Variants in VIPR2 observed in about 807,000 individuals in gnomAD.
VIPR2 encodes the protein vasoactive intestinal polypeptide receptor 2.
A neutral mutation model predicts 58.0 loss-of-function variants in VIPR2; 48 were observed. The ratio of observed to expected loss-of-function variants is 0.83; its 90% CI spans 0.66 to 1.05. The LOEUF (loss-of-function observed/expected upper bound fraction) is 1.05, where lower values mean the gene tolerates loss of function less well. Among genes scored for constraint, VIPR2 ranks in the 50% least tolerant of loss-of-function variants. The pLI is 0.00. For missense variants in VIPR2, 534 were observed against 558.0 expected (o/e 0.96, Z 0.43); for synonymous variants, 243 against 235.2 (o/e 1.03, Z -0.30).
chr7:159,135,856 G>A lies in VIPR2; in HGVS notation c.151+6590C>T, dbSNP rs111892255. Among the ~76,000 whole-genome samples the A allele has an allele frequency of 9.2e-3, 1,404 of 152,222 alleles. 18 individuals are homozygous for A. Among genetic ancestry groups the A allele is most frequent in the African/African-American group, 0.032 (1,312 of 41,528 alleles). ...TAAATAAATGAGAGGATCAGCCAACGCATCAGCAAATGTCAGCCGGACGGT... is the reference window on the plus strand; with the variant it reads ...TAAATAAATGAGAGGATCAGCCAACACATCAGCAAATGTCAGCCGGACGGT... On this transcript the variant is annotated intron_variant, in intron 2 of 12. Coordinates refer to ENST00000262178, the MANE Select transcript of VIPR2 (RefSeq NM_003382.5).
rs188877591 is a variant in VIPR2 at position 159,034,719 on chromosome 7, C to T, written c.810-69G>A. On this transcript the variant is annotated intron_variant, in intron 8 of 12. Transcript: ENST00000262178. ...CGCAAGACAGGTACAGAAGAATGAG[C>T]GCCTGCCCCTCCCAACTTGCCCACT... The T allele has an allele frequency of 7.4e-5, 99 of 1,342,212 alleles. No homozygotes were observed. The Admixed American group carries it at 1.3e-3, about 18-fold the overall frequency. The allele number at this position is 1,342,212 out of a possible 1,614,324, so 83.1% of individuals were successfully genotyped here.
chr7:159,103,145 CCCTGCA>C (rs1172204264), intron 4 of VIPR2, among the ~76,000 whole-genome samples: 8 of 152,200 alleles, frequency 5.3e-5, no homozygotes, highest in Non-Finnish European at 1.5e-5. Context: ...AAGATCACAG[CCCTGCA>C]GAAGGGTTCA....
At chr7:159,087,497 ACC>A (rs1857246724) in intron 4 of VIPR2, among the ~76,000 whole-genome samples, 1 of 128,818 alleles carries the variant, frequency 7.8e-6, no homozygotes. Context: ...AACAAACAAT[ACC>A]CAGGACTCAG....
In VIPR2 at chr7:159,031,293, A is replaced by C. The variant is rs898445731; in HGVS notation, c.1144-504T>G. 5.3e-5 allele frequency among the ~76,000 whole-genome samples: 8 copies of C among 150,720 alleles called. No individual in the cohort carries two copies. Among genetic ancestry groups the C allele is most frequent in the African/African-American group, 1.7e-4 (7 of 41,190 alleles). ...CTGGTGAAAGCTGCATGTCAAGCAA[A>C]GAAAGCGCCAGCAACCGCAGCGTGG... On this transcript the variant is annotated intron_variant, in intron 12 of 12. Coordinates refer to ENST00000262178, the MANE Select transcript of VIPR2 (RefSeq NM_003382.5). This position sits in a 1 kb window ranked among gnomAD's most constrained non-coding sequence, Gnocchi z 4.0.
At chr7:159,116,944 A>G (rs1416527372) in intron 2 of VIPR2, 1 of 200,468 alleles carries the variant, frequency 5.0e-6, no homozygotes, top group Non-Finnish European at 1.0e-5. Context: ...ATTTGGATTT[A>G]TTTTCTCATT....
At chr7:159,061,893 C>A (rs1855688177) in intron 4 of VIPR2, among the ~76,000 whole-genome samples, 2 of 152,022 alleles carry the variant, frequency 1.3e-5, no homozygotes, top group South Asian at 4.2e-4. Flanking sequence ...GCACTGCTAG[C>A]GGGAGAAGCC....
intron 5 of VIPR2, among the ~76,000 whole-genome samples, chr7:159,044,638 C>A (rs936832908): frequency 6.7e-6 from 1 of 149,352 alleles, no homozygotes; most frequent in East Asian, 1.9e-4. Flanking sequence ...ATAAAGGAAA[C>A]CAGGAGAACA....
intron 2 of VIPR2, among the ~76,000 whole-genome samples, chr7:159,131,025 G>A (rs545367346): frequency 3.3e-5 from 5 of 152,250 alleles, no homozygotes; most frequent in South Asian, 2.1e-4. Context: ...GACAGAATGC[G>A]CTGCCTCCGC....
chr7:159,101,773 T>C (rs1380547635), intron 4 of VIPR2, among the ~76,000 whole-genome samples: 1 of 137,260 alleles, frequency 7.3e-6, no homozygotes, highest in Non-Finnish European at 1.5e-5. Flanking sequence ...ACTGTTCCTG[T>C]GACAGTGAAC....
chr7:159,126,846 A>T (rs1796668815), intron 2 of VIPR2, among the ~76,000 whole-genome samples: 1 of 152,214 alleles, frequency 6.6e-6, no homozygotes, highest in African/African-American at 2.4e-5. Flanking sequence ...TTTACTGAGC[A>T]TCTCCTGCAC....
At chr7:159,118,096 C>G (rs999813637) in intron 2 of VIPR2, among the ~76,000 whole-genome samples, 1 of 152,194 alleles carries the variant, frequency 6.6e-6, no homozygotes, top group Admixed American at 6.5e-5. Context: ...ATCGAATACT[C>G]CCCTTGCACA....
Position 159,028,603 on chromosome 7 carries a change from T to G in VIPR2, c.*2013A>C, listed in dbSNP as rs554223475. On this transcript the variant is annotated 3_prime_UTR_variant, in exon 13 of 13. Coordinates refer to ENST00000262178, the MANE Select transcript of VIPR2 (RefSeq NM_003382.5). ...CTTTGTTTCCTCAAAAACCTGAGAG[T>G]AGGTGGGGGATGCTCCCTTTTGTCC... 6.6e-6 allele frequency: 1 copy of G among 152,392 alleles called. No homozygotes were observed. The highest frequency in any genetic ancestry group is 1.5e-5 in the Non-Finnish European group (1 of 68,170). The allele number at this position is 152,392 out of a possible 1,614,324, so 9.4% of individuals were successfully genotyped here. A position where few individuals can be genotyped will look rare whatever the true frequency, so the allele number is the denominator to read the frequency against.
intron 5 of VIPR2, among the ~76,000 whole-genome samples, chr7:159,048,927 C>T (rs1308145785): frequency 2.0e-5 from 3 of 152,196 alleles, no homozygotes; most frequent in Non-Finnish European, 4.4e-5. Context: ...TTGTTCAAGG[C>T]ATGGAGGACC....
At chr7:159,094,537 A>G (rs1190188569) in intron 4 of VIPR2, among the ~76,000 whole-genome samples, 1 of 152,170 alleles carries the variant, frequency 6.6e-6, no homozygotes, top group Non-Finnish European at 1.5e-5. Flanking sequence ...CCTCCTCTGA[A>G]TAAGGGCTGG....
chr7:159,114,778 GA>G (rs925657080), intron 2 of VIPR2, among the ~76,000 whole-genome samples: 9 of 88,138 alleles, frequency 1.0e-4, no homozygotes, highest in African/African-American at 3.6e-4. Flanking sequence ...CTGTCTCAAA[GA>G]AAAAAAAGAG....
chr7:159,046,691 G>T (rs765150469), intron 5 of VIPR2, among the ~76,000 whole-genome samples: 1 of 152,060 alleles, frequency 6.6e-6, no homozygotes, highest in African/African-American at 2.4e-5. Flanking sequence ...TGTGTTATGG[G>T]TATTTTACCA....
At chr7:159,034,914 C>T (rs1425444746) in intron 8 of VIPR2, among the ~76,000 whole-genome samples, 1 of 152,228 alleles carries the variant, frequency 6.6e-6, no homozygotes, top group Non-Finnish European at 1.5e-5. Context: ...GCTGCTGACG[C>T]CCTCCACTCT....
At chr7:159,111,897 G>A (rs1796019415) in intron 2 of VIPR2, among the ~76,000 whole-genome samples, 1 of 152,124 alleles carries the variant, frequency 6.6e-6, no homozygotes, top group East Asian at 1.9e-4. Context: ...TATAGTCCCA[G>A]CTACTAGGGA....
intron 4 of VIPR2, among the ~76,000 whole-genome samples, chr7:159,103,149 G>A (rs1858402959): frequency 6.6e-6 from 1 of 152,196 alleles, no homozygotes; most frequent in Admixed American, 6.5e-5. Flanking sequence ...TCACAGCCCT[G>A]CAGAAGGGTT....
Sources: allele counts gnomAD v4.1 joint callset (sites outside exome capture counted in the v4.1 genomes callset), GRCh38; gene constraint gnomAD v4.1.1; non-coding constraint Gnocchi (gnomAD v3.1); transcripts MANE v1.5; gene names NCBI Gene and HGNC (gene_info 2026-07-23, HGNC 2026-07-21).